SRGAP2: variants seen among roughly 807,000 people sequenced by gnomAD.
SRGAP2 encodes the protein SLIT-ROBO Rho GTPase activating protein 2, also known as SLIT-ROBO Rho GTPase-activating protein 2.
Under a neutral mutation model 57.2 loss-of-function variants are expected in SRGAP2, and 15 were observed. That is an observed-to-expected ratio of 0.26 (90% CI 0.18 to 0.40). The LOEUF (loss-of-function observed/expected upper bound fraction) is 0.40, where lower values mean the gene tolerates loss of function less well. Ranked by LOEUF, SRGAP2 falls within the 10% of genes least tolerant of loss-of-function variation. SRGAP2 has a pLI of 1.00. For missense variants in SRGAP2, 520 were observed against 669.6 expected (o/e 0.78, Z 2.47); for synonymous variants, 249 against 248.0 (o/e 1.00, Z -0.04).
chr1:206,430,091 G>A, intron 13 of SRGAP2, 71 bp from the exon 14 acceptor site: 2 of 776,406 alleles, frequency 2.6e-6, no homozygotes, highest in South Asian at 1.3e-5. Context: ...GCACGGTTTG[G>A]CCCGTTTTCT....
chr1:206,260,863 A>G (rs1669510716), intron 2 of SRGAP2, among the ~76,000 whole-genome samples: 1 of 152,258 alleles, frequency 6.6e-6, no homozygotes, highest in African/African-American at 2.4e-5. Flanking sequence ...ATTATTCTTC[A>G]TTCTTAGAAT....
At chr1:206,380,230 TATCTGTTGGAA>T (rs1655564494) in intron 4 of SRGAP2, among the ~76,000 whole-genome samples, 1 of 139,584 alleles carries the variant, frequency 7.2e-6, no homozygotes, top group South Asian at 2.4e-4. Flanking sequence ...CCAATGCTGT[TATCTGTTGGAA>T]AAAGGAAGCT....
chr1:206,319,566 C>T (rs561953089), intron 3 of SRGAP2, among the ~76,000 whole-genome samples: 4 of 143,822 alleles, frequency 2.8e-5, no homozygotes, highest in African/African-American at 8.3e-5. Context: ...TTCTACTTTA[C>T]AGCATAGTTC....
intron 2 of SRGAP2, among the ~76,000 whole-genome samples, chr1:206,234,668 A>G (rs1553307839): frequency 6.6e-6 from 1 of 152,204 alleles, no homozygotes; most frequent in African/African-American, 2.4e-5. Flanking sequence ...TAGCAGGAAC[A>G]GAGACTTAGT....
chr1:206,398,837 C>T (rs1378127377), intron 7 of SRGAP2, among the ~76,000 whole-genome samples: 1 of 152,210 alleles, frequency 6.6e-6, no homozygotes, highest in Non-Finnish European at 1.5e-5. Context: ...GGTTGGCTGG[C>T]TTCCCAGAGG....
chr1:206,335,955 C>T (rs1236716695), intron 3 of SRGAP2, among the ~76,000 whole-genome samples: 1 of 152,204 alleles, frequency 6.6e-6, no homozygotes, highest in African/African-American at 2.4e-5. Context: ...AGTTCTCTGA[C>T]CTAACCCACA....
intron 2 of SRGAP2, among the ~76,000 whole-genome samples, chr1:206,276,785 G>C (rs1670436936): frequency 6.6e-6 from 1 of 152,132 alleles, no homozygotes; most frequent in African/African-American, 2.4e-5. Context: ...GATGGATGAG[G>C]AATCTTCTTT....
chr1:206,437,084 C>T (rs577301155), intron 15 of SRGAP2, 42 bp downstream of exon 15: 1 of 779,426 alleles, frequency 1.3e-6, no homozygotes, highest in Non-Finnish European at 2.4e-6. Context: ...TATTTGCCAG[C>T]CCCCTGGGGT....
intron 13 of SRGAP2, among the ~76,000 whole-genome samples, chr1:206,427,886 A>T (rs1553366921): frequency 1.3e-5 from 2 of 152,128 alleles, no homozygotes; most frequent in African/African-American, 4.8e-5. Context: ...AGGCAGGAGG[A>T]TTACTTGAGG....
intron 21 of SRGAP2, among the ~76,000 whole-genome samples, chr1:206,457,574 T>C (rs552908236): frequency 6.6e-6 from 1 of 152,324 alleles, no homozygotes; most frequent in South Asian, 2.1e-4. Context: ...CGAGAGCGGC[T>C]GAGTCACAAG....
intron 3 of SRGAP2, among the ~76,000 whole-genome samples, chr1:206,331,001 TGTTG>T: frequency 8.2e-6 from 1 of 122,076 alleles, no homozygotes; most frequent in African/African-American, 3.2e-5. Context: ...GATTCTGGTA[TGTTG>T]TGTCTTTGTT....
Position 206,454,450 on chromosome 1 carries a change from C to A in SRGAP2, c.2361-428C>A. The A allele has an allele frequency of 2.0e-6, 1 of 489,454 alleles. No individual in the cohort carries two copies. The highest frequency in any genetic ancestry group is 3.1e-5 in the South Asian group (1 of 32,320). The allele number at this position is 489,454 out of a possible 1,614,324, so 30.3% of individuals were successfully genotyped here. Reference sequence around the variant, plus strand: ...TGTGTGGCGGTGTCCTGCCACGACGCCGCCGTCTCCAGAGCCACCACACAG... The same window carrying A: ...TGTGTGGCGGTGTCCTGCCACGACGACGCCGTCTCCAGAGCCACCACACAG... On this transcript the variant is annotated intron_variant, in intron 20 of 22. Transcript: ENST00000573034. The surrounding 1 kb of genome is among the most constrained non-coding windows in gnomAD (Gnocchi z 4.3).
At chr1:206,226,344 A>G (rs1553305493) in intron 2 of SRGAP2, among the ~76,000 whole-genome samples, 3 of 152,090 alleles carry the variant, frequency 2.0e-5, no homozygotes, top group African/African-American at 7.3e-5. Flanking sequence ...CAAGGAGACT[A>G]TAGGAGTTAT....
chr1:206,459,784 C>T (rs1664115302), intron 22 of SRGAP2, among the ~76,000 whole-genome samples: 1 of 152,172 alleles, frequency 6.6e-6, no homozygotes, highest in Non-Finnish European at 1.5e-5. Flanking sequence ...TCTCTCTTGG[C>T]TTAATTGTGG....
At chr1:206,216,518 G>A (rs1435547378) in intron 2 of SRGAP2, among the ~76,000 whole-genome samples, 1 of 149,950 alleles carries the variant, frequency 6.7e-6, no homozygotes, top group African/African-American at 2.5e-5. Context: ...TTCAAAGCAC[G>A]GTGTGGAGAG....
chr1:206,353,720 A>T (rs1347697903), intron 4 of SRGAP2, among the ~76,000 whole-genome samples: 33 of 149,610 alleles, frequency 2.2e-4, no homozygotes, highest in African/African-American at 6.6e-4. Context: ...AAATAAATAA[A>T]TAATTAAAAC....
chr1:206,387,116 ACT>A (rs1371354722), intron 5 of SRGAP2, among the ~76,000 whole-genome samples: 38 of 118,000 alleles, frequency 3.2e-4, no homozygotes, highest in Admixed American at 1.2e-3. Flanking sequence ...ACAGAGCAAG[ACT>A]CTGTCTCAAA....
intron 14 of SRGAP2, 106 bp from the exon 15 acceptor site, chr1:206,436,859 G>A: frequency 1.3e-6 from 1 of 750,986 alleles, no homozygotes; most frequent in East Asian, 2.5e-5. Context: ...GAGACAGCGT[G>A]CTTAAATACA....
Position 206,458,700 on chromosome 1 carries a change from C to G in SRGAP2, c.2585C>G (p.Thr862Ser). Reference sequence around the variant, plus strand: ...AGCCATGGGCTGAGCAGTTCCCTGACTGACTCCTCCTCCCCAGGGGTGGGG... The same window carrying G: ...AGCCATGGGCTGAGCAGTTCCCTGAGTGACTCCTCCTCCCCAGGGGTGGGG... ...SDSHGLSSSLTDSSSPGVGAS... is the reference protein window; with the variant it reads ...SDSHGLSSSLSDSSSPGVGAS... The change falls in exon 22 of 23, where the codon ACT becomes AGT. Residue 862 changes from threonine (T) to serine (S), a missense_variant. This residue lies in a region of SRGAP2 where 478 missense variants were observed against 373.6 expected (regional missense o/e 1.28). Coordinates refer to ENST00000573034, the MANE Select transcript of SRGAP2 (RefSeq NM_015326.5). The G allele has an allele frequency of 1.3e-6, 1 of 779,772 alleles. No individual in the cohort carries two copies. Among genetic ancestry groups the G allele is most frequent in the South Asian group, 1.3e-5 (1 of 74,294 alleles). The allele number at this position is 779,772 out of a possible 1,614,324, so 48.3% of individuals were successfully genotyped here.
Sources: allele counts gnomAD v4.1 joint callset (sites outside exome capture counted in the v4.1 genomes callset), GRCh38; gene constraint gnomAD v4.1.1; regional missense constraint gnomAD v4.1.1; non-coding constraint Gnocchi (gnomAD v3.1); transcripts MANE v1.5; gene names NCBI Gene and HGNC (gene_info 2026-07-23, HGNC 2026-07-21).